BFSP2: variants seen among roughly 807,000 people sequenced by gnomAD.
The protein encoded by BFSP2 is phakinin.
In BFSP2, 38 loss-of-function variants were observed where a neutral mutation model predicts 44.9. That is an observed-to-expected ratio of 0.85 (90% CI 0.65 to 1.11). The LOEUF is 1.11. BFSP2 is among the 50% of genes least tolerant of loss of function. The pLI, the probability that BFSP2 is intolerant of heterozygous loss-of-function variation, is 0.00. For synonymous variants in BFSP2, 197 were observed against 209.9 expected (o/e 0.94, Z 0.53); for missense variants, 525 against 533.0 (o/e 0.99, Z 0.15).
At chr3:133,463,124 C>T (rs1194569747) in intron 4 of BFSP2, among the ~76,000 whole-genome samples, 1 of 152,132 alleles carries the variant, frequency 6.6e-6, no homozygotes, top group Non-Finnish European at 1.5e-5. Flanking sequence ...GCCTGGCCAA[C>T]ATGGAGAAAC....
At chr3:133,454,766 A>G (rs2073998097) in intron 4 of BFSP2, among the ~76,000 whole-genome samples, 1 of 152,218 alleles carries the variant, frequency 6.6e-6, no homozygotes, top group Non-Finnish European at 1.5e-5. Flanking sequence ...CCCAACTCCA[A>G]ATTTTTGACT....
At chr3:133,405,517 C>G (rs1416477955) in intron 1 of BFSP2, among the ~76,000 whole-genome samples, 1 of 151,918 alleles carries the variant, frequency 6.6e-6, no homozygotes, top group Non-Finnish European at 1.5e-5. Flanking sequence ...TCCTAGAAGG[C>G]TCTCTTTTTA....
intron 1 of BFSP2, among the ~76,000 whole-genome samples, chr3:133,441,269 C>T (rs2073842820): frequency 6.6e-6 from 1 of 152,112 alleles, no homozygotes; most frequent in Admixed American, 6.6e-5. Context: ...CTCCTGACCT[C>T]AGGTGATCCG....
At chr3:133,418,176 C>A (rs2073562383) in intron 1 of BFSP2, among the ~76,000 whole-genome samples, 1 of 152,042 alleles carries the variant, frequency 6.6e-6, no homozygotes, top group African/African-American at 2.4e-5. Flanking sequence ...CTCTTCCCAC[C>A]TCCTCAGCTC....
intron 1 of BFSP2, among the ~76,000 whole-genome samples, chr3:133,439,940 GAGAGAA>G (rs2073827936): frequency 6.6e-6 from 1 of 152,004 alleles, no homozygotes; most frequent in African/African-American, 2.4e-5. Flanking sequence ...GAGAGAGAGA[GAGAGAA>G]AGCAATGTCA....
intron 1 of BFSP2, among the ~76,000 whole-genome samples, chr3:133,437,195 T>C (rs2073795567): frequency 6.6e-6 from 1 of 152,080 alleles, no homozygotes; most frequent in Non-Finnish European, 1.5e-5. Context: ...TCTTCCACAA[T>C]GGTTGAACTA....
At chr3:133,461,522 A>G (rs2074063854) in intron 4 of BFSP2, among the ~76,000 whole-genome samples, 1 of 152,126 alleles carries the variant, frequency 6.6e-6, no homozygotes, top group Non-Finnish European at 1.5e-5. Context: ...CCACCTTCCT[A>G]TCCTCAGGGG....
chr3:133,422,327 C>T (rs1576567408), intron 1 of BFSP2, among the ~76,000 whole-genome samples: 1 of 152,148 alleles, frequency 6.6e-6, no homozygotes, highest in South Asian at 2.1e-4. Context: ...TCACTGACAT[C>T]TCCCTGCACA....
At chr3:133,421,343 T>C (rs1270895974) in intron 1 of BFSP2, among the ~76,000 whole-genome samples, 1 of 152,214 alleles carries the variant, frequency 6.6e-6, no homozygotes, top group Non-Finnish European at 1.5e-5. Flanking sequence ...AACCAAGATG[T>C]TAGCAGGGGC....
intron 1 of BFSP2, among the ~76,000 whole-genome samples, chr3:133,413,638 C>T (rs1202376802): frequency 6.6e-6 from 1 of 151,958 alleles, no homozygotes; most frequent in Non-Finnish European, 1.5e-5. Context: ...GGGAAAAGCA[C>T]ATAAAGACTC....
chr3:133,466,697 A>AAT, intron 4 of BFSP2, 131 bp from the exon 5 acceptor site: 1 of 726,478 alleles, frequency 1.4e-6, no homozygotes, highest in Non-Finnish European at 2.2e-6. Flanking sequence ...AAAAAAAAAA[A>AAT]GATGTTTCCA....
At chr3:133,405,142 T>C (rs2073393742) in intron 1 of BFSP2, among the ~76,000 whole-genome samples, 1 of 151,866 alleles carries the variant, frequency 6.6e-6, no homozygotes, top group South Asian at 2.1e-4. Flanking sequence ...AGACCAGGTG[T>C]CAAAACAAAA....
At chr3:133,451,110 C>A (rs373845538) in intron 4 of BFSP2, among the ~76,000 whole-genome samples, 547 of 95,002 alleles carry the variant, frequency 5.8e-3, no homozygotes, top group South Asian at 0.013. Context: ...GACTCTGTCT[C>A]AAAAAAAAAA....
intron 4 of BFSP2, among the ~76,000 whole-genome samples, chr3:133,451,806 T>G (rs2073968340): frequency 6.6e-6 from 1 of 152,224 alleles, no homozygotes. Context: ...TTATTAAACC[T>G]CATAAATAAT....
intron 4 of BFSP2, among the ~76,000 whole-genome samples, chr3:133,458,611 C>A (rs550111987): frequency 6.6e-6 from 1 of 152,202 alleles, no homozygotes; most frequent in African/African-American, 2.4e-5. Context: ...ATGAGAATCA[C>A]TTGAACCCAG....
chr3:133,459,093 G>A (rs561099590), intron 4 of BFSP2, among the ~76,000 whole-genome samples: 4 of 152,084 alleles, frequency 2.6e-5, no homozygotes, highest in Admixed American at 1.3e-4. Context: ...TAATCCTGGT[G>A]CTTTGGAATG....
intron 1 of BFSP2, chr3:133,412,142 C>A (rs1188881759): frequency 6.6e-6 from 1 of 152,130 alleles, no homozygotes; most frequent in African/African-American, 2.4e-5. Context: ...TGAAAATAAT[C>A]TCAGGCAGAG....
In BFSP2 at chr3:133,449,982, AAAGGAAGGAAGGAAGG is replaced by A. The variant is rs71136469; in HGVS notation, c.730-299_730-284del. Among the ~76,000 whole-genome samples, 735 of 86,374 alleles carry A rather than the reference AAAGGAAGGAAGGAAGG, an allele frequency of 8.5e-3. 26 individuals are homozygous for A. Among genetic ancestry groups the A allele is most frequent in the Admixed American group, 0.057 (476 of 8,372 alleles). 56.7% of individuals were successfully genotyped at this position (86,374 alleles called of 152,430 possible). ...GAGAAAGAGAAAGAAGGAAAGAAGG[AAAGGAAGGAAGGAAGG>A]AAGGAAGGAAGGAAGGAAGGAGGGA... On this transcript the variant is annotated intron_variant, in intron 3 of 6. Coordinates refer to ENST00000302334, the MANE Select transcript of BFSP2 (RefSeq NM_003571.4).
chr3:133,424,217 T>TGTGTGTGTGTGTGTGTGTG (rs879790985), intron 1 of BFSP2, among the ~76,000 whole-genome samples: 1 of 99,120 alleles, frequency 1.0e-5, no homozygotes, highest in Non-Finnish European at 2.0e-5. Flanking sequence ...AGCTAATTTT[T>TGTGTGTGTGTGTGTGTGTG]TTTTTTTTTT....
Sources: allele counts gnomAD v4.1 joint callset (sites outside exome capture counted in the v4.1 genomes callset), GRCh38; gene constraint gnomAD v4.1.1; transcripts MANE v1.5; gene names NCBI Gene and HGNC (gene_info 2026-07-23, HGNC 2026-07-21).